KDM6A: variants seen among roughly 807,000 people sequenced by gnomAD.
The protein encoded by KDM6A is lysine demethylase 6A, also known as lysine-specific demethylase 6A.
Under a neutral mutation model 117.6 loss-of-function variants are expected in KDM6A, and 11 were observed. The observed-to-expected ratio is 0.09, with a 90% confidence interval of 0.06 to 0.15. KDM6A has a LOEUF of 0.15. Ranked by LOEUF, KDM6A falls within the 10% of genes least tolerant of loss-of-function variation. The pLI is 1.00. For synonymous variants in KDM6A, 384 were observed against 396.1 expected, an observed-to-expected ratio of 0.97 and a Z score of 0.36; for missense variants, 799 against 1,077.3, an observed-to-expected ratio of 0.74 and a Z score of 3.62.
intron 8 of KDM6A, among the ~76,000 whole-genome samples, chrX:45,045,827 A>G (rs1455302295): frequency 1.8e-5 from 2 of 110,728 alleles, no homozygotes; most frequent in East Asian, 5.7e-4. Flanking sequence ...TTGACCATGG[A>G]TGTGTATATA....
chrX:44,975,542 C>T (rs900477338), intron 4 of KDM6A, among the ~76,000 whole-genome samples: 2 of 111,067 alleles, frequency 1.8e-5, no homozygotes, highest in Non-Finnish European at 3.8e-5. Context: ...AATATCTTCT[C>T]TAATCTCTGG....
intron 9 of KDM6A, 108 bp downstream of exon 9, chrX:45,051,910 T>G: frequency 2.1e-6 from 1 of 481,431 alleles, no homozygotes; most frequent in Admixed American, 3.5e-5. Context: ...TTGCTCAGAG[T>G]TGATAAAATT....
chrX:44,904,865 C>T (rs1195097018), intron 2 of KDM6A, among the ~76,000 whole-genome samples: 1 of 111,857 alleles, frequency 8.9e-6, no homozygotes, highest in South Asian at 3.7e-4. Context: ...TAAGATTTGG[C>T]CATTTTTCTT....
intron 29 of KDM6A, among the ~76,000 whole-genome samples, chrX:45,110,807 C>A (rs998528069): frequency 9.0e-6 from 1 of 111,723 alleles, no homozygotes; most frequent in Non-Finnish European, 1.9e-5. Context: ...TTGGGGGAAG[C>A]ATTTTACTTT....
intron 4 of KDM6A, among the ~76,000 whole-genome samples, chrX:44,979,000 T>C (rs1024760402): frequency 3.6e-5 from 4 of 112,293 alleles, no homozygotes; most frequent in Non-Finnish European, 5.6e-5. Context: ...AGTATTTGGG[T>C]TGTTTTCAGC....
intron 8 of KDM6A, among the ~76,000 whole-genome samples, chrX:45,049,421 T>G (rs746061658): frequency 2.9e-4 from 32 of 112,241 alleles, no homozygotes; most frequent in Non-Finnish European, 5.4e-4. Context: ...AACATTCTTC[T>G]ACATTTTCTT....
intron 18 of KDM6A, among the ~76,000 whole-genome samples, chrX:45,071,437 G>A (rs1275022343): frequency 9.0e-6 from 1 of 111,641 alleles, no homozygotes; most frequent in Non-Finnish European, 1.9e-5. Flanking sequence ...CTTATTTATT[G>A]TTATGTAAAA....
chrX:45,036,716 G>A (rs2042829722), intron 7 of KDM6A, among the ~76,000 whole-genome samples: 1 of 112,388 alleles, frequency 8.9e-6, no homozygotes, highest in African/African-American at 3.2e-5. Flanking sequence ...GAAAACAACC[G>A]ATTATCTTTT....
chrX:45,046,601 TACTGTGACTCAGCAGTATAAAG>T (rs1334990978), intron 8 of KDM6A, among the ~76,000 whole-genome samples: 2 of 111,953 alleles, frequency 1.8e-5, no homozygotes, highest in African/African-American at 6.5e-5. Flanking sequence ...TTTAGAGAGA[TACTGTGACTCAGCAGTATAAAG>T]ATGTTGATTC....
At chrX:45,109,943 T>A in intron 28 of KDM6A, 136 bp from the exon 29 acceptor site, 2 of 576,468 alleles carry the variant, frequency 3.5e-6, no homozygotes. Context: ...AACACAGCCA[T>A]GTTTTTCTTA....
intron 4 of KDM6A, among the ~76,000 whole-genome samples, chrX:44,990,411 G>A (rs1049118658): frequency 3.6e-5 from 4 of 110,262 alleles, no homozygotes; most frequent in South Asian, 3.9e-4. Context: ...GTGGTGGCAC[G>A]CGCTTGTAAT....
intron 2 of KDM6A, among the ~76,000 whole-genome samples, chrX:44,876,962 C>T (rs5952270): frequency 0.1 from 11,482 of 110,983 alleles, 582 homozygotes; most frequent in East Asian, 0.38. Context: ...TATATACGCA[C>T]GTATATGAAT....
chrX:44,920,478 G>A (rs1202481179), intron 2 of KDM6A, among the ~76,000 whole-genome samples: 2 of 106,548 alleles, frequency 1.9e-5, no homozygotes, highest in Non-Finnish European at 1.9e-5. Flanking sequence ...TCGCTCTGTC[G>A]CCCAGGCTGG....
At chrX:44,978,024 G>A (rs774592030) in intron 4 of KDM6A, among the ~76,000 whole-genome samples, 199 of 112,042 alleles carry the variant, frequency 1.8e-3, no homozygotes, top group African/African-American at 6.1e-3. Flanking sequence ...TTGTTTTTGT[G>A]TGTTTGTGTT....
At chrX:44,908,619 C>CT (rs1389920135) in intron 2 of KDM6A, among the ~76,000 whole-genome samples, 1 of 111,416 alleles carries the variant, frequency 9.0e-6, no homozygotes, top group East Asian at 2.8e-4. Flanking sequence ...GCTGCATGTC[C>CT]TTTTAAGTGA....
chrX:44,927,317 G>T (rs892120019), intron 2 of KDM6A, among the ~76,000 whole-genome samples: 3 of 110,775 alleles, frequency 2.7e-5, no homozygotes, highest in African/African-American at 9.8e-5. Flanking sequence ...TTGAGTCCAT[G>T]GATGCAAAAC....
In KDM6A at chrX:45,063,887, GAGA is replaced by G. The variant is rs1412738292; in HGVS notation, c.2079+77_2079+79del. 2.6e-5 allele frequency: 25 copies of G among 969,366 alleles called. No homozygotes were observed. The African/African-American group carries it at 3.5e-4, about 13-fold the overall frequency. 79.9% of individuals were successfully genotyped at this position (969,366 alleles called of 1,213,427 possible). On this transcript the variant is annotated intron_variant, in intron 17 of 29. Coordinates refer to ENST00000611820, the MANE Select transcript of KDM6A (RefSeq NM_001291415.2). ...TTTTACTGGGTTTTATACACTTTGA[GAGA>G]AGAAGAGAGAAGTGTTTGGGGAACT...
intron 2 of KDM6A, among the ~76,000 whole-genome samples, chrX:44,877,116 T>C (rs2031733944): frequency 8.9e-6 from 1 of 112,038 alleles, no homozygotes; most frequent in South Asian, 3.6e-4. Flanking sequence ...CATATCTATA[T>C]GTGTATTCCT....
In KDM6A at chrX:44,907,736, C is replaced by G. The variant is rs961190200; in HGVS notation, c.225+33749C>G. Among the ~76,000 whole-genome samples, 3 of 100,580 alleles carry G rather than the reference C, an allele frequency of 3.0e-5. No individual in the cohort carries two copies. In the East Asian group the frequency reaches 9.2e-4, roughly 31 times the overall value. 87.3% of individuals were successfully genotyped at this position (100,580 alleles called of 115,157 possible). On this transcript the variant is annotated intron_variant, in intron 2 of 29. Transcript: ENST00000611820. ...GTGCTGGGATTACAGGTGTGAGCCA[C>G]TGCTTCTGGCCTCCATTTTTTTTTT... is the stretch of plus-strand genomic sequence containing the variant.
Sources: gnomAD v4.1 joint callset for allele counts (sites outside exome capture counted in the v4.1 genomes callset) on GRCh38, gnomAD v4.1.1 for gene constraint, MANE v1.5 for transcripts, NCBI Gene and HGNC (gene_info 2026-07-23, HGNC 2026-07-21) for gene names.